The following PCED1B variants were observed in gnomAD, a reference collection of about 807,000 sequenced individuals.
PCED1B encodes the protein PC-esterase domain-containing protein 1B.
For missense variants in PCED1B, 573 were observed against 573.9 expected, an observed-to-expected ratio of 1.00 and a Z score of 0.02; for synonymous variants, 251 against 246.1, an observed-to-expected ratio of 1.02 and a Z score of -0.19.
At position 47,135,863 on chromosome 12, in the gene PCED1B, G is replaced by A. The variant is rs545228793; in HGVS notation, c.-526+31668G>A. ...TCTCATGGTTGGTGGAGCGGCCGGT[G>A]TTGGCAGGAGTGAAGAGGGTTTGGA... On this transcript the variant is annotated intron_variant, in intron 2 of 3. Transcript: ENST00000546455. The A allele has an allele frequency of 1.6e-5, 7 of 437,660 alleles. No homozygotes were observed. The East Asian group carries it at 4.3e-4, about 27-fold the overall frequency. 27.1% of individuals were successfully genotyped at this position (437,660 alleles called of 1,614,324 possible). A position where few individuals can be genotyped will look rare whatever the true frequency, so the allele number is the denominator to read the frequency against.
At chr12:47,092,089 G>T (rs772052130) in intron 1 of PCED1B, among the ~76,000 whole-genome samples, 8 of 152,058 alleles carry the variant, frequency 5.3e-5, no homozygotes, top group Non-Finnish European at 1.0e-4. Flanking sequence ...CTGTAGCTTA[G>T]ATTTTGACCA....
At chr12:47,205,427 T>C (rs1162156064) in intron 2 of PCED1B, among the ~76,000 whole-genome samples, 1 of 152,188 alleles carries the variant, frequency 6.6e-6, no homozygotes, top group African/African-American at 2.4e-5. Flanking sequence ...ATTTATAATC[T>C]GGTACCTAAG....
chr12:47,181,377 T>C (rs981521669), intron 2 of PCED1B, among the ~76,000 whole-genome samples: 1 of 151,500 alleles, frequency 6.6e-6, no homozygotes, highest in African/African-American at 2.4e-5. Flanking sequence ...TTCATTATTT[T>C]TTTTTTTTTG....
chr12:47,212,030 G>C (rs188122587), intron 2 of PCED1B, among the ~76,000 whole-genome samples: 2 of 148,346 alleles, frequency 1.3e-5, no homozygotes, highest in African/African-American at 5.0e-5. Context: ...AGCCGAGATC[G>C]TGCCACTGTA....
chr12:47,211,813 C>T (rs1222597943), intron 2 of PCED1B, among the ~76,000 whole-genome samples: 1 of 151,468 alleles, frequency 6.6e-6, no homozygotes, highest in African/African-American at 2.4e-5. Context: ...CGGTGGCTCA[C>T]GCCTGTAATC....
intron 3 of PCED1B, 60 bp downstream of exon 3, chr12:47,216,749 C>A (rs527329227): frequency 1.3e-5 from 2 of 152,350 alleles, no homozygotes; most frequent in African/African-American, 2.4e-5. Flanking sequence ...TTCTGACCAG[C>A]CTTTCTTGAG....
At chr12:47,101,606 A>G (rs1012600352) in intron 1 of PCED1B, among the ~76,000 whole-genome samples, 2 of 152,106 alleles carry the variant, frequency 1.3e-5, no homozygotes, top group Non-Finnish European at 2.9e-5. Context: ...TATGGAGATT[A>G]TATGGGGAAA....
chr12:47,191,539 T>C (rs566313309), intron 2 of PCED1B, among the ~76,000 whole-genome samples: 2 of 152,158 alleles, frequency 1.3e-5, no homozygotes, highest in South Asian at 2.1e-4. Context: ...CCTAGGCAAA[T>C]TGGGGGAAGT....
chr12:47,191,573 G>A lies in PCED1B; in HGVS notation c.-525-24649G>A, dbSNP rs373321015. ...GTCATGTTTCCATTGCAATCCGGAAGAAGAAATACCGCAGGCCTGCCTCTC... is the reference window on the plus strand; with the variant it reads ...GTCATGTTTCCATTGCAATCCGGAAAAAGAAATACCGCAGGCCTGCCTCTC... On this transcript the variant is annotated intron_variant, in intron 2 of 3. Coordinates refer to ENST00000546455, the MANE Select transcript of PCED1B (RefSeq NM_138371.3). 4.1e-3 allele frequency among the ~76,000 whole-genome samples: 632 copies of A among 152,292 alleles called. 3 individuals are homozygous for A. Among genetic ancestry groups the A allele is most frequent in the African/African-American group, 0.015 (610 of 41,556 alleles).
chr12:47,235,991 T>TTGCC lies in PCED1B; in HGVS notation c.929_932dup (p.Leu312AlafsTer88), dbSNP rs1248556436. 5.0e-6 allele frequency: 8 copies of TTGCC among 1,610,106 alleles called. No homozygotes were observed. The highest frequency in any genetic ancestry group is 5.1e-6 in the Non-Finnish European group (6 of 1,178,590). On this transcript the variant is annotated frameshift_variant, in exon 4 of 4. Transcript: ENST00000546455. LOFTEE classifies it low-confidence loss of function (END_TRUNC). The stretch of plus-strand genomic sequence containing the variant: ...CCTGCTTGGGTTCCCACCCCAGCGC[T>TTGCC]TGCCGCTGCTCCCGCTCCTGTCCCC...
intron 2 of PCED1B, among the ~76,000 whole-genome samples, chr12:47,200,849 G>C (rs796751134): frequency 6.6e-6 from 1 of 152,176 alleles, no homozygotes; most frequent in South Asian, 2.1e-4. Context: ...AACAATAACA[G>C]ACATATGCGA....
chr12:47,093,158 A>T (rs890025139), intron 1 of PCED1B, among the ~76,000 whole-genome samples: 6 of 151,998 alleles, frequency 3.9e-5, no homozygotes, highest in Admixed American at 6.5e-5. Flanking sequence ...AATTTTAAAA[A>T]AAAATACATC....
intron 2 of PCED1B, among the ~76,000 whole-genome samples, chr12:47,142,005 T>A (rs1282080378): frequency 1.3e-5 from 2 of 152,124 alleles, no homozygotes; most frequent in Admixed American, 6.5e-5. Flanking sequence ...TTCTGCCCAG[T>A]GAACCAGTGG....
At chr12:47,102,383 A>AGTTTC (rs1938746216) in intron 1 of PCED1B, among the ~76,000 whole-genome samples, 1 of 152,206 alleles carries the variant, frequency 6.6e-6, no homozygotes, top group Non-Finnish European at 1.5e-5. Context: ...TAATAATATC[A>AGTTTC]ATAATTGCTG....
intron 2 of PCED1B, among the ~76,000 whole-genome samples, chr12:47,166,046 C>T (rs28488719): frequency 0.048 from 7,345 of 152,200 alleles, 401 homozygotes; most frequent in African/African-American, 0.13. Flanking sequence ...GCTAGCATAG[C>T]TCAAGCCCTG....
At chr12:47,101,713 G>A (rs770530784) in intron 1 of PCED1B, among the ~76,000 whole-genome samples, 10 of 152,184 alleles carry the variant, frequency 6.6e-5, no homozygotes, top group Non-Finnish European at 1.5e-4. Flanking sequence ...TTGGGAGGCT[G>A]AGACGGCCGG....
chr12:47,202,085 CCA>C (rs1342080805), intron 2 of PCED1B, among the ~76,000 whole-genome samples: 1 of 152,090 alleles, frequency 6.6e-6, no homozygotes, highest in Non-Finnish European at 1.5e-5. Flanking sequence ...ATTGTAAGCA[CCA>C]CAAATAAAAT....
At chr12:47,224,788 G>T (rs938934010) in intron 3 of PCED1B, among the ~76,000 whole-genome samples, 1 of 152,284 alleles carries the variant, frequency 6.6e-6, no homozygotes, top group Admixed American at 6.5e-5. Flanking sequence ...CATAGCCGTA[G>T]ATAGACGCAG....
At position 47,216,506 on chromosome 12, in the gene PCED1B, T is replaced by A. The variant is rs991703833; in HGVS notation, c.-241T>A. 6.6e-6 allele frequency: 1 copy of A among 152,222 alleles called. No individual in the cohort carries two copies. Among genetic ancestry groups the A allele is most frequent in the African/African-American group, 2.4e-5 (1 of 41,438 alleles). 9.4% of individuals were successfully genotyped at this position (152,222 alleles called of 1,614,324 possible). On this transcript the variant is annotated 5_prime_UTR_variant, in exon 3 of 4. Transcript: ENST00000546455. The stretch of plus-strand genomic sequence containing the variant: ...CCCAGATGCCACCGGAAATGTCATC[T>A]TCTCCCCAGACGCTGGCTTGCAAGC...
Sources: gnomAD v4.1 joint callset for allele counts (sites outside exome capture counted in the v4.1 genomes callset) on GRCh38, gnomAD v4.1.1 for gene constraint, MANE v1.5 for transcripts, NCBI Gene and HGNC (gene_info 2026-07-23, HGNC 2026-07-21) for gene names.